AMMECR1: variants seen among roughly 807,000 people sequenced by gnomAD.
AMMECR1 encodes AMMECR nuclear protein 1.
A neutral mutation model predicts 22.5 loss-of-function variants in AMMECR1; 3 were observed. The observed-to-expected ratio is 0.13, with a 90% CI of 0.06 to 0.35. The LOEUF (loss-of-function observed/expected upper bound fraction) is 0.35. Ranked by LOEUF, AMMECR1 falls within the 10% of genes least tolerant of loss-of-function variation. The pLI is 1.00. For missense variants in AMMECR1, 235 were observed against 278.7 expected (o/e 0.84, Z 1.12); for synonymous variants, 130 against 116.7 (o/e 1.11, Z -0.74).
At chrX:110,434,326 T>C (rs1205824355) in intron 1 of AMMECR1, among the ~76,000 whole-genome samples, 1 of 111,256 alleles carries the variant, frequency 9.0e-6, no homozygotes, top group Non-Finnish European at 1.9e-5. Context: ...TTAAGGCAGA[T>C]TCGGGACAGA....
intron 2 of AMMECR1, among the ~76,000 whole-genome samples, chrX:110,359,297 CT>C (rs750661684): frequency 9.0e-6 from 1 of 110,915 alleles, no homozygotes; most frequent in Non-Finnish European, 1.9e-5. Flanking sequence ...ACCCCTTTGG[CT>C]TTTTTTTCAC....
At chrX:110,435,132 G>A (rs952190953) in intron 1 of AMMECR1, among the ~76,000 whole-genome samples, 1 of 85,735 alleles carries the variant, frequency 1.2e-5, no homozygotes, top group African/African-American at 4.3e-5. Context: ...GGGAGGGAGG[G>A]GGAAGAAGGA....
chrX:110,407,631 T>G (rs979148941), intron 2 of AMMECR1, among the ~76,000 whole-genome samples: 6 of 112,157 alleles, frequency 5.3e-5, no homozygotes, highest in African/African-American at 1.9e-4. Context: ...GACCCTGGAC[T>G]TGAACTCAGG....
intron 2 of AMMECR1, among the ~76,000 whole-genome samples, chrX:110,346,017 T>C (rs2068187482): frequency 1.8e-5 from 2 of 112,043 alleles, no homozygotes; most frequent in Admixed American, 9.5e-5. Context: ...TGATAGATAA[T>C]AAACAAGGTC....
At chrX:110,221,815 G>A (rs778748549) in intron 2 of AMMECR1, among the ~76,000 whole-genome samples, 11 of 111,131 alleles carry the variant, frequency 9.9e-5, no homozygotes, top group African/African-American at 3.3e-4. Context: ...CTCAAAAGAA[G>A]ACATTTATGC....
At chrX:110,379,810 T>C (rs968242123) in intron 2 of AMMECR1, among the ~76,000 whole-genome samples, 4 of 112,361 alleles carry the variant, frequency 3.6e-5, no homozygotes, top group African/African-American at 1.3e-4. Context: ...GGATGGCCTT[T>C]GAGTGGTCTT....
chrX:110,208,997 G>A, intron 3 of AMMECR1, among the ~76,000 whole-genome samples: 1 of 110,800 alleles, frequency 9.0e-6, no homozygotes, highest in South Asian at 3.8e-4. Context: ...TCTTAAAAAA[G>A]GGAATAAGGG....
At chrX:110,381,542 T>C (rs2068419122) in intron 2 of AMMECR1, among the ~76,000 whole-genome samples, 1 of 111,679 alleles carries the variant, frequency 9.0e-6, no homozygotes, top group African/African-American at 3.3e-5. Context: ...AAAATAGAAA[T>C]ACCATTTGAT....
At chrX:110,310,375 T>G (rs893673503) in intron 1 of AMMECR1, among the ~76,000 whole-genome samples, 19 of 105,112 alleles carry the variant, frequency 1.8e-4, no homozygotes, top group African/African-American at 5.1e-4. Flanking sequence ...CCAGAATTTG[T>G]TTTTTTTTTT....
chrX:110,256,779 C>G (rs989858703), intron 2 of AMMECR1, among the ~76,000 whole-genome samples: 6 of 111,485 alleles, frequency 5.4e-5, no homozygotes, highest in Non-Finnish European at 1.1e-4. Context: ...AGAAGGGCTT[C>G]ATTTCTTTTG....
At chrX:110,210,127 T>C (rs1377189360) in intron 3 of AMMECR1, among the ~76,000 whole-genome samples, 1 of 110,762 alleles carries the variant, frequency 9.0e-6, no homozygotes, top group Non-Finnish European at 1.9e-5. Flanking sequence ...TCTAAGAAGT[T>C]ACTTTACTTT....
chrX:110,344,187 C>T lies in AMMECR1; in HGVS notation c.-147-26338G>A, dbSNP rs754303625. ...CACAACAGAGCCCTCAGAAATAATA[C>T]CACACATCCACAACCATCTGGTCTT... On this transcript the variant is annotated intron_variant, in intron 2 of 7. Coordinates refer to the AMMECR1 transcript ENST00000372057. 1.2e-4 allele frequency among the ~76,000 whole-genome samples: 13 copies of T among 111,759 alleles called. 1 individual carries two copies. In the South Asian group the frequency reaches 4.9e-3, roughly 42 times the overall value.
Position 110,365,646 on chromosome X carries a change from A to G in AMMECR1, c.-147-47797T>C, listed in dbSNP as rs760722733. Among the ~76,000 whole-genome samples the G allele has an allele frequency of 1.7e-4, 19 of 111,948 alleles. No individual in the cohort carries two copies. The South Asian group carries it at 6.8e-3, about 40-fold the overall frequency. On this transcript the variant is annotated intron_variant, in intron 2 of 7. Coordinates refer to the AMMECR1 transcript ENST00000372057. ...ACATTCTGATTCTATCAGTGTTCCT[A>G]GGGCTTCAAATCTGTCTGTGCAAAA...
At chrX:110,259,594 T>C (rs1259716015) in intron 2 of AMMECR1, among the ~76,000 whole-genome samples, 1 of 107,517 alleles carries the variant, frequency 9.3e-6, no homozygotes, top group African/African-American at 3.4e-5. Context: ...TCTTTTTCTT[T>C]TTTTTTTTTT....
At chrX:110,339,582 C>T (rs984993416) in intron 2 of AMMECR1, among the ~76,000 whole-genome samples, 62 of 110,504 alleles carry the variant, frequency 5.6e-4, no homozygotes, top group Non-Finnish European at 1.0e-3. Flanking sequence ...CTACAACATC[C>T]GCCTCCTGGG....
chrX:110,284,294 G>A (rs1286666887), intron 1 of AMMECR1, among the ~76,000 whole-genome samples: 1 of 111,851 alleles, frequency 8.9e-6, no homozygotes, highest in Non-Finnish European at 1.9e-5. Flanking sequence ...CTGAAGGCAA[G>A]AAATCATGAT....
Position 110,401,804 on chromosome X carries a change from T to C in AMMECR1, c.-148+24854A>G, listed in dbSNP as rs749028984. On this transcript the variant is annotated intron_variant, in intron 2 of 7. Coordinates refer to the AMMECR1 transcript ENST00000372057. The stretch of plus-strand genomic sequence containing the variant: ...CCTGTAAAATGGATCTAATAATAGT[T>C]CTCATCTCCTAGACGTGTTGTGAGG... Among the ~76,000 whole-genome samples the C allele has an allele frequency of 2.6e-4, 29 of 112,033 alleles. 1 individual carries two copies. Among genetic ancestry groups the C allele is most frequent in the Non-Finnish European group, 5.1e-4 (27 of 53,204 alleles).
At position 110,195,414 on chromosome X, in the gene AMMECR1, CTTGT is replaced by C. The variant is rs2067365039; in HGVS notation, c.*3102_*3105del. 1 of 111,816 alleles carries C rather than the reference CTTGT, an allele frequency of 8.9e-6. No homozygotes were observed. The highest frequency in any genetic ancestry group is 9.5e-5 in the Admixed American group (1 of 10,524). 9.2% of individuals were successfully genotyped at this position (111,816 alleles called of 1,213,427 possible). ...TTTTAGAATCTGGTACCTGGCTGACCTTGTTTAAGAACAAGAAAACCCTTCCAGA... is the reference window on the plus strand; with the variant it reads ...TTTTAGAATCTGGTACCTGGCTGACCTTAAGAACAAGAAAACCCTTCCAGA... On this transcript the variant is annotated 3_prime_UTR_variant, in exon 6 of 6. Transcript: ENST00000262844.
chrX:110,296,235 T>G (rs1602869472), intron 1 of AMMECR1, among the ~76,000 whole-genome samples: 1 of 112,256 alleles, frequency 8.9e-6, no homozygotes, highest in Non-Finnish European at 1.9e-5. Flanking sequence ...GTCATCCCAC[T>G]GCCCTTCCGA....
Sources: gnomAD v4.1 joint callset for allele counts (sites outside exome capture counted in the v4.1 genomes callset) on GRCh38, gnomAD v4.1.1 for gene constraint, MANE v1.5 for transcripts, NCBI Gene and HGNC (gene_info 2026-07-23, HGNC 2026-07-21) for gene names.